The following FMN2 variants were observed in gnomAD, a reference collection of about 807,000 sequenced individuals.
The protein encoded by FMN2 is formin-2.
A neutral mutation model predicts 142.3 loss-of-function variants in FMN2; 51 were observed. The ratio of observed to expected loss-of-function variants is 0.36; its 90% CI spans 0.29 to 0.45. The LOEUF (loss-of-function observed/expected upper bound fraction) is 0.45. Ranked by LOEUF, FMN2 falls within the 20% of genes least tolerant of loss-of-function variation. The pLI is 1.00. For missense variants in FMN2, 1,936 were observed against 2,122.8 expected (o/e 0.91, Z 1.73); for synonymous variants, 882 against 869.8 (o/e 1.01, Z -0.25).
intron 4 of FMN2, 55 bp from the exon 5 acceptor site, chr1:240,206,744 A>C: frequency 6.5e-7 from 1 of 1,543,978 alleles, no homozygotes; most frequent in Non-Finnish European, 8.7e-7. Context: ...ATTTTTTGCT[A>C]TTTGCATTTT....
intron 6 of FMN2, among the ~76,000 whole-genome samples, chr1:240,234,231 T>C (rs1484138164): frequency 6.6e-6 from 1 of 152,174 alleles, no homozygotes; most frequent in Non-Finnish European, 1.5e-5. Flanking sequence ...TGAATTTTTT[T>C]GCATTAACAA....
intron 1 of FMN2, among the ~76,000 whole-genome samples, chr1:240,097,629 AC>A (rs1414732959): frequency 1.3e-5 from 2 of 152,148 alleles, no homozygotes; most frequent in Non-Finnish European, 2.9e-5. Flanking sequence ...TGCTGGGATT[AC>A]AGGCGTGAGC....
At position 240,339,993 on chromosome 1, in the gene FMN2, T is replaced by A. The variant is rs182203462; in HGVS notation, c.4765+5764T>A. On this transcript the variant is annotated intron_variant, in intron 13 of 17. Transcript: ENST00000319653. ...ATCCTAAATGCTAACATATTTTGTA[T>A]ACTATACAATTTTATAACATGCTAT... Among the ~76,000 whole-genome samples the A allele has an allele frequency of 7.1e-3, 1,083 of 152,242 alleles. 2 individuals carry two copies. The highest frequency in any genetic ancestry group is 0.024 in the South Asian group (114 of 4,828).
intron 15 of FMN2, chr1:240,401,133 A>AAAAAAC (rs1558472501): frequency 6.6e-6 from 1 of 152,138 alleles, no homozygotes; most frequent in Non-Finnish European, 1.5e-5. Context: ...TAAAAAAAAA[A>AAAAAAC]AAAAAAACAT....
Position 240,121,824 on chromosome 1 carries a change from G to A in FMN2, c.1616-1355G>A, listed in dbSNP as rs1458618770. On this transcript the variant is annotated intron_variant, in intron 1 of 17. Transcript: ENST00000319653. ...TTTCTGAGGAGCATCTGAGAGAAAT[G>A]TGAATTTTTATCCCTTTTCTGGGTG... 4.3e-5 allele frequency among the ~76,000 whole-genome samples: 6 copies of A among 139,952 alleles called. No individual in the cohort carries two copies. The East Asian group carries it at 1.1e-3, about 27-fold the overall frequency. 91.8% of individuals were successfully genotyped at this position (139,952 alleles called of 152,430 possible).
chr1:240,400,931 T>C (rs1160720614), intron 15 of FMN2: 1 of 152,244 alleles, frequency 6.6e-6, no homozygotes, highest in Non-Finnish European at 1.5e-5. Context: ...AACAACAGCC[T>C]GGCCAACATG....
Position 240,294,815 on chromosome 1 carries a change from TC to T in FMN2, c.4154-5del. 2 of 1,613,906 alleles carry T rather than the reference TC, an allele frequency of 1.2e-6. No homozygotes were observed. The highest frequency in any genetic ancestry group is 8.5e-7 in the Non-Finnish European group (1 of 1,179,832). The stretch of plus-strand genomic sequence containing the variant: ...TGGCAATTTATATTCTTCTTTTTTT[TC>T]CACAGCTGTTGTGAACTTGGATAAT... On this transcript the variant is annotated splice_polypyrimidine_tract_variant and splice_region_variant and intron_variant, in intron 7 of 17. Transcript: ENST00000319653.
rs746904371 is a variant in FMN2, at chr1:240,330,743, G to A, written c.4578G>A (p.Lys1526=). 5.0e-6 allele frequency: 8 copies of A among 1,613,794 alleles called. No homozygotes were observed. The highest frequency in any genetic ancestry group is 6.8e-6 in the Non-Finnish European group (8 of 1,179,834). ...TTCTTCCAAAACTGAAAGATGTCAA[G>A]AGCAGTGTAAGTATTTTGCATGAGT... The part of the protein sequence containing the change: ...LDILPKLKDV[K]SSDNSRSLLS... The change falls in exon 11 of 18, where the codon AAG becomes AAA. Residue 1526 remains lysine (K), a synonymous_variant. Coordinates refer to ENST00000319653, the MANE Select transcript of FMN2 (RefSeq NM_020066.5).
intron 16 of FMN2, among the ~76,000 whole-genome samples, chr1:240,454,519 G>C (rs1470025520): frequency 6.6e-6 from 1 of 152,190 alleles, no homozygotes; most frequent in East Asian, 1.9e-4. Flanking sequence ...TTCAGCCTCG[G>C]TGATGGAGTG....
intron 7 of FMN2, among the ~76,000 whole-genome samples, chr1:240,259,487 C>CTTTT (rs35655150): frequency 0.23 from 30,753 of 134,042 alleles, 3,825 homozygotes; most frequent in Middle Eastern, 0.33. Context: ...ACCCTGTACA[C>CTTTT]TTTTTTTTTT....
intron 13 of FMN2, among the ~76,000 whole-genome samples, chr1:240,351,805 T>A (rs753658152): frequency 1.7e-4 from 26 of 152,138 alleles, no homozygotes; most frequent in Non-Finnish European, 2.5e-4. Flanking sequence ...AGTAGATGAT[T>A]CTGGAAGTTT....
At chr1:240,172,490 A>C (rs543662185) in intron 2 of FMN2, among the ~76,000 whole-genome samples, 1 of 152,338 alleles carries the variant, frequency 6.6e-6, no homozygotes, top group South Asian at 2.1e-4. Context: ...CAAAACAAAT[A>C]GTATTCATGG....
At chr1:240,278,894 T>C (rs187226339) in intron 7 of FMN2, among the ~76,000 whole-genome samples, 46 of 152,284 alleles carry the variant, frequency 3.0e-4, no homozygotes, top group African/African-American at 1.1e-3. Context: ...AATGATGGAA[T>C]GAGATTCCTG....
chr1:240,207,213 C>T lies in FMN2; in HGVS notation c.2401C>T (p.His801Tyr), dbSNP rs543348166. 6.2e-7 allele frequency: 1 copy of T among 1,614,024 alleles called. No homozygotes were observed. Among genetic ancestry groups the T allele is most frequent in the African/African-American group, 1.3e-5 (1 of 74,998 alleles). Residue 801 changes from histidine to tyrosine, a missense_variant, in exon 5 of 18, where the codon CAT (histidine) becomes TAT (tyrosine). Coordinates refer to ENST00000319653, the MANE Select transcript of FMN2 (RefSeq NM_020066.5). ...PRRISVQLDSHQPTQSISQPP... is the reference protein window; with the variant it reads ...PRRISVQLDSYQPTQSISQPP... ...GCGAATATCAGTCCAGCTCGACAGC[C>T]ATCAGCCCACACAGAGCATCTCACA...
intron 16 of FMN2, among the ~76,000 whole-genome samples, chr1:240,456,127 A>G (rs1435189637): frequency 6.6e-6 from 1 of 152,118 alleles, no homozygotes; most frequent in African/African-American, 2.4e-5. Context: ...AATGGAGTCT[A>G]CACACTTTGG....
intron 15 of FMN2, among the ~76,000 whole-genome samples, 179 bp from the exon 16 acceptor site, chr1:240,437,882 T>C (rs1675454753): frequency 6.6e-6 from 1 of 152,206 alleles, no homozygotes; most frequent in South Asian, 2.1e-4. Context: ...TGCTGCTGTC[T>C]GTATCCAAAA....
chr1:240,326,717 T>TG (rs558774696), intron 8 of FMN2, among the ~76,000 whole-genome samples: 110 of 152,014 alleles, frequency 7.2e-4, no homozygotes, highest in Non-Finnish European at 1.3e-3. Flanking sequence ...GCTGGATTTT[T>TG]TTTTTTTATA....
At chr1:240,443,881 A>G (rs1314761817) in intron 16 of FMN2, among the ~76,000 whole-genome samples, 1 of 152,204 alleles carries the variant, frequency 6.6e-6, no homozygotes, top group Admixed American at 6.5e-5. Context: ...GGAAATAGGC[A>G]ATCTTCATCT....
chr1:240,122,506 C>T (rs986649558), intron 1 of FMN2, among the ~76,000 whole-genome samples: 2 of 152,156 alleles, frequency 1.3e-5, no homozygotes, highest in Non-Finnish European at 2.9e-5. Context: ...TGGTCTTGAA[C>T]TCCTGACCTC....
Sources: gnomAD v4.1 joint callset for allele counts (sites outside exome capture counted in the v4.1 genomes callset) on GRCh38, gnomAD v4.1.1 for gene constraint, MANE v1.5 for transcripts, NCBI Gene and HGNC (gene_info 2026-07-23, HGNC 2026-07-21) for gene names.